SLC9A1: variants seen among roughly 807,000 people sequenced by gnomAD.
The protein encoded by SLC9A1 is solute carrier family 9 member A1.
SLC9A1 carries 22 observed loss-of-function variants against 67.9 expected under a neutral mutation model. The ratio of observed to expected loss-of-function variants is 0.32; its 90% CI spans 0.23 to 0.46. SLC9A1 has a LOEUF of 0.46. Ranked by LOEUF, SLC9A1 falls within the 20% of genes least tolerant of loss-of-function variation. SLC9A1 has a pLI of 1.00. For missense variants in SLC9A1, 686 were observed against 1,094.8 expected (o/e 0.63, Z 5.27); for synonymous variants, 421 against 471.8 (o/e 0.89, Z 1.40).
At chr1:27,117,204 G>A (rs758011885) in intron 1 of SLC9A1, among the ~76,000 whole-genome samples, 15 of 152,082 alleles carry the variant, frequency 9.9e-5, no homozygotes, top group Admixed American at 7.9e-4. Flanking sequence ...CAGGCACAGC[G>A]CAGCGGAGAT....
intron 1 of SLC9A1, among the ~76,000 whole-genome samples, chr1:27,131,947 A>AAAAAAAAAAAAAATAT: frequency 1.9e-5 from 1 of 52,126 alleles, no homozygotes; most frequent in East Asian, 1.1e-3. Flanking sequence ...AGAAAAAAAA[A>AAAAAAAAAAAAAATAT]ATATATATAT....
intron 1 of SLC9A1, among the ~76,000 whole-genome samples, chr1:27,126,705 C>T (rs757071040): frequency 6.6e-6 from 1 of 152,178 alleles, no homozygotes; most frequent in African/African-American, 2.4e-5. Context: ...GGCCTCAGCA[C>T]GGAGCCTGAC....
chr1:27,103,133 G>A (rs1354879585), intron 6 of SLC9A1, 90 bp downstream of exon 6: 10 of 965,402 alleles, frequency 1.0e-5, no homozygotes, highest in South Asian at 7.9e-5. Context: ...GGGAGAAGGG[G>A]CTGATGGGGG....
intron 4 of SLC9A1, 56 bp downstream of exon 4, chr1:27,107,591 AC>A: frequency 8.2e-7 from 1 of 1,219,812 alleles, no homozygotes; most frequent in Non-Finnish European, 1.2e-6. Context: ...ACAGCCCACC[AC>A]CCCCCACACA....
At chr1:27,151,463 C>T (rs140893495) in intron 1 of SLC9A1, among the ~76,000 whole-genome samples, 24 of 152,222 alleles carry the variant, frequency 1.6e-4, no homozygotes, top group African/African-American at 4.6e-4. Context: ...TGGGTTCAAG[C>T]GATCCTCCTG....
intron 1 of SLC9A1, among the ~76,000 whole-genome samples, chr1:27,123,556 GTTGGAGT>G: frequency 6.6e-6 from 1 of 151,578 alleles, no homozygotes; most frequent in East Asian, 1.9e-4. Context: ...AGGCTGGAGT[GTTGGAGT>G]GCAATGGCAC....
intron 2 of SLC9A1, among the ~76,000 whole-genome samples, chr1:27,110,787 C>T (rs1485872284): frequency 6.6e-6 from 1 of 152,204 alleles, no homozygotes; most frequent in Non-Finnish European, 1.5e-5. Context: ...TCTGCCCCTC[C>T]TATTGCTAGG....
rs138356248 is a variant in SLC9A1 at position 27,135,468 on chromosome 1, C to G, written c.352+18515G>C. On this transcript the variant is annotated intron_variant, in intron 1 of 11. Transcript: ENST00000263980. ...TAAAAGGGGTATAACTTGCATTTTTCTTCTTTATATACTTAAGCAGTGTTT... is the reference window on the plus strand; with the variant it reads ...TAAAAGGGGTATAACTTGCATTTTTGTTCTTTATATACTTAAGCAGTGTTT... 5.4e-4 allele frequency among the ~76,000 whole-genome samples: 68 copies of G among 125,818 alleles called. No homozygotes were observed. The East Asian group carries it at 0.014, about 26-fold the overall frequency. The allele number at this position is 125,818 out of a possible 152,430, so 82.5% of individuals were successfully genotyped here. A position where few individuals can be genotyped will look rare whatever the true frequency, so the allele number is the denominator to read the frequency against.
chr1:27,153,292 A>G (rs2083542938), intron 1 of SLC9A1, among the ~76,000 whole-genome samples: 2 of 152,032 alleles, frequency 1.3e-5, no homozygotes, highest in African/African-American at 2.4e-5. Context: ...CTCCACTTCC[A>G]AAACAGACTT....
In SLC9A1 at chr1:27,101,662, G is replaced by C; in HGVS notation, c.2037+63C>G. ...CCTAGAATGGGTACATTTCCTTAGAGGCTGTGGCGGAGCTTGGGCGAGTGG... is the reference window on the plus strand; with the variant it reads ...CCTAGAATGGGTACATTTCCTTAGACGCTGTGGCGGAGCTTGGGCGAGTGG... On this transcript the variant is annotated intron_variant, in intron 10 of 11. Transcript: ENST00000263980. This position sits in a 1 kb window ranked among gnomAD's most constrained non-coding sequence, Gnocchi z 4.9. 1 of 1,175,932 alleles carries C rather than the reference G, an allele frequency of 8.5e-7. No homozygotes were observed. The highest frequency in any genetic ancestry group is 1.3e-6 in the Non-Finnish European group (1 of 799,288). 72.8% of individuals were successfully genotyped at this position (1,175,932 alleles called of 1,614,324 possible).
chr1:27,140,882 C>T (rs2083449251), intron 1 of SLC9A1, among the ~76,000 whole-genome samples: 1 of 152,200 alleles, frequency 6.6e-6, no homozygotes, highest in African/African-American at 2.4e-5. Context: ...AGCTTCAGCT[C>T]TGCCACAGTC....
At chr1:27,131,611 G>A (rs1010591189) in intron 1 of SLC9A1, among the ~76,000 whole-genome samples, 2 of 151,886 alleles carry the variant, frequency 1.3e-5, no homozygotes, top group East Asian at 1.9e-4. Context: ...AGCTGGGCGT[G>A]GTGGCGCGCG....
Position 27,101,080 on chromosome 1 carries a change from T to A in SLC9A1, c.2110+123A>T. 1.4e-6 allele frequency: 1 copy of A among 713,670 alleles called. No individual in the cohort carries two copies. Among genetic ancestry groups the A allele is most frequent in the Non-Finnish European group, 2.4e-6 (1 of 421,642 alleles). The allele number at this position is 713,670 out of a possible 1,614,324, so 44.2% of individuals were successfully genotyped here. Reference sequence around the variant, plus strand: ...AAGCAGCTCATGGCTTGGGAGGGGATCCTGAGGTCAGCGAGGGCCAGGCCT... The same window carrying A: ...AAGCAGCTCATGGCTTGGGAGGGGAACCTGAGGTCAGCGAGGGCCAGGCCT... On this transcript the variant is annotated intron_variant, in intron 11 of 11. Transcript: ENST00000263980. This position sits in a 1 kb window ranked among gnomAD's most constrained non-coding sequence, Gnocchi z 4.9.
intron 2 of SLC9A1, among the ~76,000 whole-genome samples, chr1:27,112,978 C>T (rs564923534): frequency 7.9e-5 from 12 of 151,736 alleles, no homozygotes; most frequent in African/African-American, 2.9e-4. Flanking sequence ...TTTTACTTAT[C>T]ACCTTCTAGA....
At chr1:27,111,174 G>A (rs1439870894) in intron 2 of SLC9A1, among the ~76,000 whole-genome samples, 1 of 152,160 alleles carries the variant, frequency 6.6e-6, no homozygotes, top group East Asian at 1.9e-4. Flanking sequence ...GCGGCAGACA[G>A]CCTCTTAGCA....
intron 1 of SLC9A1, among the ~76,000 whole-genome samples, chr1:27,138,057 G>A (rs2083430647): frequency 6.6e-6 from 1 of 152,150 alleles, no homozygotes; most frequent in Non-Finnish European, 1.5e-5. Context: ...CGACTCTATC[G>A]CACTCCCAGG....
chr1:27,135,353 T>C lies in SLC9A1; in HGVS notation c.352+18630A>G, dbSNP rs1296511126. Among the ~76,000 whole-genome samples the C allele has an allele frequency of 5.9e-5, 9 of 152,218 alleles. No homozygotes were observed. In the East Asian group the frequency reaches 1.7e-3, roughly 29 times the overall value. Reference sequence around the variant, plus strand: ...CAGGGGTGAGCCACTGTGCACAGATTAACATTTTTTATGAAAAAGTGGTTC... The same window carrying C: ...CAGGGGTGAGCCACTGTGCACAGATCAACATTTTTTATGAAAAAGTGGTTC... On this transcript the variant is annotated intron_variant, in intron 1 of 11. Coordinates refer to ENST00000263980, the MANE Select transcript of SLC9A1 (RefSeq NM_003047.5).
chr1:27,123,625 C>T (rs1368190319), intron 1 of SLC9A1, among the ~76,000 whole-genome samples: 3 of 151,488 alleles, frequency 2.0e-5, no homozygotes, highest in African/African-American at 4.9e-5. Context: ...ATTCTCCTGC[C>T]TCAGCCTCCC....
At chr1:27,131,324 G>A (rs1389909628) in intron 1 of SLC9A1, among the ~76,000 whole-genome samples, 1 of 151,844 alleles carries the variant, frequency 6.6e-6, no homozygotes, top group Non-Finnish European at 1.5e-5. Flanking sequence ...TGGGTGTGGT[G>A]GCTCACGCCT....
Sources: allele counts gnomAD v4.1 joint callset (sites outside exome capture counted in the v4.1 genomes callset), GRCh38; gene constraint gnomAD v4.1.1; non-coding constraint Gnocchi (gnomAD v3.1); transcripts MANE v1.5; gene names NCBI Gene and HGNC (gene_info 2026-07-23, HGNC 2026-07-21).